LUZP2: variants seen among roughly 807,000 people sequenced by gnomAD.
The protein encoded by LUZP2 is leucine zipper protein 2.
Under a neutral mutation model 51.6 loss-of-function variants are expected in LUZP2, and 52 were observed. The observed-to-expected ratio is 1.01, with a 90% CI of 0.81 to 1.27. LUZP2 has a LOEUF of 1.27. LUZP2 is among the 50% of genes most tolerant of loss of function. The pLI is 0.00. For missense variants in LUZP2, 436 were observed against 395.4 expected (o/e 1.10, Z -0.87); for synonymous variants, 154 against 137.3 (o/e 1.12, Z -0.85).
intron 9 of LUZP2, among the ~76,000 whole-genome samples, chr11:24,996,103 A>G (rs538471587): frequency 2.0e-5 from 3 of 151,198 alleles, no homozygotes; most frequent in Non-Finnish European, 4.4e-5. Context: ...ATTATAATAT[A>G]TTTAACAACA....
chr11:24,640,292 C>T (rs1351855810), intron 1 of LUZP2, among the ~76,000 whole-genome samples: 1 of 151,872 alleles, frequency 6.6e-6, no homozygotes, highest in Non-Finnish European at 1.5e-5. Context: ...TTGGTCGTTA[C>T]TAACTATGTA....
chr11:24,913,761 C>A (rs1853709313), intron 6 of LUZP2, among the ~76,000 whole-genome samples: 1 of 151,708 alleles, frequency 6.6e-6, no homozygotes, highest in South Asian at 2.1e-4. Flanking sequence ...AGTAAAGAAT[C>A]AGTACCTATA....
chr11:24,998,049 A>T (rs1239702917), intron 9 of LUZP2, among the ~76,000 whole-genome samples: 6 of 152,160 alleles, frequency 3.9e-5, no homozygotes, highest in African/African-American at 1.4e-4. Flanking sequence ...GAAGTCAGGT[A>T]GCGTGATGCC....
chr11:25,036,842 T>A (rs931155392), intron 9 of LUZP2, among the ~76,000 whole-genome samples: 14 of 151,948 alleles, frequency 9.2e-5, no homozygotes, highest in South Asian at 2.1e-4. Context: ...ATTTCATTTT[T>A]AAAAAAAAAT....
chr11:24,676,000 G>A (rs1856536851), intron 1 of LUZP2, among the ~76,000 whole-genome samples: 1 of 151,692 alleles, frequency 6.6e-6, no homozygotes, highest in African/African-American at 2.4e-5. Flanking sequence ...TGTATTTTTA[G>A]TAGAGACGGA....
At chr11:25,027,628 T>C (rs1237748394) in intron 9 of LUZP2, among the ~76,000 whole-genome samples, 1 of 152,054 alleles carries the variant, frequency 6.6e-6, no homozygotes, top group East Asian at 1.9e-4. Flanking sequence ...TCCCAGCACT[T>C]TGGGAGGCCA....
chr11:24,646,315 T>C (rs1855459990), intron 1 of LUZP2, among the ~76,000 whole-genome samples: 1 of 152,080 alleles, frequency 6.6e-6, no homozygotes, highest in South Asian at 2.1e-4. Context: ...GTTTTATTAT[T>C]GTTCAAAATA....
chr11:24,995,599 G>A (rs922112529), intron 9 of LUZP2, among the ~76,000 whole-genome samples: 2 of 150,338 alleles, frequency 1.3e-5, no homozygotes, highest in Non-Finnish European at 3.0e-5. Flanking sequence ...TAGTAAGCTA[G>A]GTTGACAGAT....
intron 10 of LUZP2, among the ~76,000 whole-genome samples, chr11:25,054,263 C>T (rs1425778459): frequency 6.6e-6 from 1 of 152,112 alleles, no homozygotes; most frequent in East Asian, 1.9e-4. Flanking sequence ...ACTTCCAAGA[C>T]CTTTATGTGT....
At chr11:24,580,081 A>G (rs1346156646) in intron 1 of LUZP2, among the ~76,000 whole-genome samples, 4 of 152,100 alleles carry the variant, frequency 2.6e-5, no homozygotes, top group African/African-American at 7.2e-5. Context: ...TAAAAGTAGT[A>G]CAGGATATTC....
At chr11:25,051,194 A>T (rs1033788410) in intron 10 of LUZP2, among the ~76,000 whole-genome samples, 7 of 151,616 alleles carry the variant, frequency 4.6e-5, no homozygotes, top group African/African-American at 1.7e-4. Flanking sequence ...AAAATGAATT[A>T]CTCTCCCAAC....
At chr11:24,638,844 A>T (rs1053948867) in intron 1 of LUZP2, among the ~76,000 whole-genome samples, 4 of 151,776 alleles carry the variant, frequency 2.6e-5, no homozygotes, top group African/African-American at 9.7e-5. Flanking sequence ...TGAATCACAG[A>T]TACTGAATCA....
chr11:24,679,503 C>A (rs1349753520), intron 1 of LUZP2, among the ~76,000 whole-genome samples: 1 of 152,094 alleles, frequency 6.6e-6, no homozygotes, highest in African/African-American at 2.4e-5. Context: ...AATAAAACCA[C>A]AGCAGTGTTT....
chr11:24,600,647 A>G (rs1853601120), intron 1 of LUZP2, among the ~76,000 whole-genome samples: 1 of 152,154 alleles, frequency 6.6e-6, no homozygotes, highest in Admixed American at 6.6e-5. Context: ...ACTTCTGTTC[A>G]TAAAGATCGT....
intron 1 of LUZP2, among the ~76,000 whole-genome samples, chr11:24,538,652 A>G (rs577920429): frequency 1.0e-4 from 15 of 146,368 alleles, no homozygotes; most frequent in South Asian, 6.4e-4. Flanking sequence ...TGTTTTTTAT[A>G]TGTGTGTGTG....
intron 1 of LUZP2, among the ~76,000 whole-genome samples, chr11:24,566,262 T>A (rs1852210893): frequency 6.6e-6 from 1 of 151,080 alleles, no homozygotes; most frequent in Admixed American, 6.6e-5. Flanking sequence ...ATTCATTAAC[T>A]AATGACTAGC....
chr11:24,844,094 G>A (rs1452730789), intron 5 of LUZP2, among the ~76,000 whole-genome samples: 1 of 152,188 alleles, frequency 6.6e-6, no homozygotes, highest in Non-Finnish European at 1.5e-5. Flanking sequence ...ACAGGCAAAG[G>A]TTGGAACAGT....
chr11:25,082,081 A>T lies in LUZP2; in HGVS notation c.*3423A>T, dbSNP rs1198408530. 1.3e-5 allele frequency: 2 copies of T among 152,564 alleles called. No homozygotes were observed. The highest frequency in any genetic ancestry group is 2.9e-5 in the Non-Finnish European group (2 of 68,010). 9.5% of individuals were successfully genotyped at this position (152,564 alleles called of 1,614,324 possible). On this transcript the variant is annotated 3_prime_UTR_variant, in exon 12 of 12. Coordinates refer to ENST00000336930, the MANE Select transcript of LUZP2 (RefSeq NM_001009909.4). ...TCTATCCAATGCCAAAATGCTCAGA[A>T]GAAAAGTGAATAATTCAGTCATTCA...
At chr11:24,840,778 C>T (rs1466852925) in intron 5 of LUZP2, among the ~76,000 whole-genome samples, 1 of 151,926 alleles carries the variant, frequency 6.6e-6, no homozygotes, top group Non-Finnish European at 1.5e-5. Flanking sequence ...ATTTAGGGCA[C>T]TAGATATTTA....
Sources: gnomAD v4.1 joint callset for allele counts (sites outside exome capture counted in the v4.1 genomes callset) on GRCh38, gnomAD v4.1.1 for gene constraint, MANE v1.5 for transcripts, NCBI Gene and HGNC (gene_info 2026-07-23, HGNC 2026-07-21) for gene names.